The following OPHN1 variants were observed in gnomAD, a reference collection of about 807,000 sequenced individuals.
The protein encoded by OPHN1 is oligophrenin-1.
In OPHN1, 11 loss-of-function variants were observed where a neutral mutation model predicts 60.7. The observed-to-expected ratio is 0.18, with a 90% confidence interval of 0.11 to 0.30. The LOEUF is 0.30. Ranked by LOEUF, OPHN1 falls within the 10% of genes least tolerant of loss-of-function variation. The probability of loss-of-function intolerance (pLI) is 1.00; values close to 1 mark genes in which losing one functional copy is unlikely to be tolerated. For missense variants in OPHN1, 449 were observed against 611.0 expected (o/e 0.73, Z 2.80); for synonymous variants, 226 against 222.6 (o/e 1.02, Z -0.14).
At position 68,114,310 on chromosome X, in the gene OPHN1, A is replaced by G. The variant is rs773246705; in HGVS notation, c.1362-1071T>C. ...TACCATTTCCAGTTCATCGATGAGG[A>G]AACTGAGGCCTAGAGAAGTTAAAAA... On this transcript the variant is annotated intron_variant, in intron 16 of 24. Coordinates refer to ENST00000355520, the MANE Select transcript of OPHN1 (RefSeq NM_002547.3). 4.7e-3 allele frequency among the ~76,000 whole-genome samples: 521 copies of G among 111,642 alleles called. 1 individual carries two copies. Among genetic ancestry groups the G allele is most frequent in the Middle Eastern group, 9.1e-3 (2 of 219 alleles).
chrX:68,303,305 A>G (rs939592267), intron 2 of OPHN1, among the ~76,000 whole-genome samples: 1 of 112,040 alleles, frequency 8.9e-6, no homozygotes, highest in African/African-American at 3.2e-5. Flanking sequence ...ACCTATTCAC[A>G]ATGCCAAAAT....
At chrX:68,072,084 T>C (rs1007022732) in intron 20 of OPHN1, among the ~76,000 whole-genome samples, 4 of 111,879 alleles carry the variant, frequency 3.6e-5, no homozygotes, top group Non-Finnish European at 7.5e-5. Flanking sequence ...TCCAAAGTTC[T>C]TGACCTTAGC....
rs1418636330 is a variant in OPHN1, at chrX:68,296,892, G to A, written c.250+2109C>T. Among the ~76,000 whole-genome samples the A allele has an allele frequency of 3.6e-5, 4 of 110,828 alleles. No homozygotes were observed. The Admixed American group carries it at 3.9e-4, about 11-fold the overall frequency. ...CACAGGAACCTGGCATCACCAAGGA[G>A]TCATTTTTCTTTTGTTTATAAGTCA... On this transcript the variant is annotated intron_variant, in intron 3 of 24. Transcript: ENST00000355520.
chrX:68,134,701 G>T (rs1372634064), intron 15 of OPHN1, among the ~76,000 whole-genome samples: 2 of 109,906 alleles, frequency 1.8e-5, no homozygotes, highest in Non-Finnish European at 1.9e-5. Flanking sequence ...GGCCCTGGCA[G>T]CACTGCTACT....
intron 2 of OPHN1, among the ~76,000 whole-genome samples, chrX:68,303,066 G>A (rs934753232): frequency 1.1e-4 from 12 of 111,566 alleles, no homozygotes; most frequent in South Asian, 7.3e-4. Flanking sequence ...AAAGTGAATA[G>A]GATGCACAAA....
At chrX:68,345,406 C>G in intron 2 of OPHN1, among the ~76,000 whole-genome samples, 1 of 112,347 alleles carries the variant, frequency 8.9e-6, no homozygotes, top group African/African-American at 3.2e-5. Flanking sequence ...CACAGCATTA[C>G]TCAAAATACC....
chrX:68,095,244 T>C (rs1157161152), intron 19 of OPHN1, among the ~76,000 whole-genome samples: 2 of 111,766 alleles, frequency 1.8e-5, no homozygotes, highest in African/African-American at 3.2e-5. Context: ...GATTTATCAA[T>C]TTATCACATC....
intron 19 of OPHN1, among the ~76,000 whole-genome samples, chrX:68,074,691 T>C (rs1446147311): frequency 9.0e-6 from 1 of 111,051 alleles, no homozygotes; most frequent in Non-Finnish European, 1.9e-5. Context: ...TCCATTTTAA[T>C]TTTTTTTCTC....
intron 2 of OPHN1, among the ~76,000 whole-genome samples, chrX:68,343,259 A>G (rs1200096879): frequency 1.7e-4 from 15 of 86,437 alleles, no homozygotes; most frequent in African/African-American, 6.9e-4. Context: ...GGGAGACAAG[A>G]GAGAAGCTCT....
At chrX:68,197,624 T>C (rs1322914637) in intron 11 of OPHN1, among the ~76,000 whole-genome samples, 1 of 111,047 alleles carries the variant, frequency 9.0e-6, no homozygotes, top group Admixed American at 9.7e-5. Context: ...CCACTTTGTC[T>C]GAGCTCTAGG....
chrX:68,144,784 G>A (rs903306103), intron 15 of OPHN1, among the ~76,000 whole-genome samples: 2 of 111,754 alleles, frequency 1.8e-5, no homozygotes, highest in Non-Finnish European at 3.8e-5. Context: ...AATTTATTGA[G>A]TAGCTATTCT....
At chrX:68,100,019 T>C (rs1198674740) in intron 18 of OPHN1, among the ~76,000 whole-genome samples, 1 of 111,561 alleles carries the variant, frequency 9.0e-6, no homozygotes, top group Non-Finnish European at 1.9e-5. Context: ...GTTCTTTTAC[T>C]AAAGTATTGT....
intron 2 of OPHN1, among the ~76,000 whole-genome samples, chrX:68,402,834 G>A (rs1447998506): frequency 8.9e-6 from 1 of 111,777 alleles, no homozygotes; most frequent in Non-Finnish European, 1.9e-5. Flanking sequence ...TTTAAACTTT[G>A]GGAGTCAACT....
chrX:68,169,198 A>C (rs1428336782), intron 15 of OPHN1, among the ~76,000 whole-genome samples: 1 of 111,442 alleles, frequency 9.0e-6, no homozygotes, highest in Non-Finnish European at 1.9e-5. Context: ...AAAGAGAATA[A>C]AATACCTAGG....
chrX:68,056,212 T>C (rs1450223718), intron 21 of OPHN1, among the ~76,000 whole-genome samples: 1 of 111,537 alleles, frequency 9.0e-6, no homozygotes, highest in Non-Finnish European at 1.9e-5. Flanking sequence ...CGTCAGACTC[T>C]GTCCTGCTTC....
chrX:68,403,490 G>A (rs937864738), intron 2 of OPHN1, among the ~76,000 whole-genome samples: 4 of 111,611 alleles, frequency 3.6e-5, no homozygotes, highest in Non-Finnish European at 3.8e-5. Context: ...CTTCCCTACA[G>A]ATCAGCAATT....
intron 2 of OPHN1, among the ~76,000 whole-genome samples, chrX:68,372,339 G>A (rs778728315): frequency 9.0e-6 from 1 of 111,094 alleles, no homozygotes; most frequent in South Asian, 3.8e-4. Context: ...GGCACAGTGG[G>A]TTATATTGCA....
chrX:68,109,313 C>T (rs979953549), intron 18 of OPHN1, among the ~76,000 whole-genome samples: 1 of 111,336 alleles, frequency 9.0e-6, no homozygotes, highest in African/African-American at 3.3e-5. Flanking sequence ...TAGCATAATG[C>T]TTTTAGTGTT....
chrX:68,433,283 C>A lies in OPHN1; in HGVS notation c.-120G>T. ...ATCGCAGTCGGATCCCGGCAGGGTG[C>A]TGCCTAGCAAGCAGCATGTCCCTTA... is the stretch of plus-strand genomic sequence containing the variant. On this transcript the variant is annotated 5_prime_UTR_variant, in exon 1 of 25. Transcript: ENST00000355520. The A allele has an allele frequency of 2.7e-6, 1 of 373,260 alleles. No homozygotes were observed. The highest frequency in any genetic ancestry group is 4.6e-6 in the Non-Finnish European group (1 of 216,245). 30.8% of individuals were successfully genotyped at this position (373,260 alleles called of 1,213,427 possible).
Sources: gnomAD v4.1 joint callset for allele counts (sites outside exome capture counted in the v4.1 genomes callset) on GRCh38, gnomAD v4.1.1 for gene constraint, MANE v1.5 for transcripts, NCBI Gene and HGNC (gene_info 2026-07-23, HGNC 2026-07-21) for gene names.